The following PIWIL2 variants were observed in gnomAD, a reference collection of about 807,000 sequenced individuals.
PIWIL2 encodes piwi-like protein 2.
PIWIL2 carries 81 observed loss-of-function variants against 116.5 expected under a neutral mutation model. That is an observed-to-expected ratio of 0.70 (90% CI 0.58 to 0.84). The LOEUF (loss-of-function observed/expected upper bound fraction) is 0.84. PIWIL2 is among the 40% of genes least tolerant of loss of function. PIWIL2 has a pLI of 0.00. For synonymous variants in PIWIL2, 489 were observed against 429.5 expected (o/e 1.14, Z -1.71); for missense variants, 1,272 against 1,212.3 (o/e 1.05, Z -0.73).
At chr8:22,337,311 A>G (rs1832001907) in intron 20 of PIWIL2, among the ~76,000 whole-genome samples, 1 of 152,220 alleles carries the variant, frequency 6.6e-6, no homozygotes, top group Non-Finnish European at 1.5e-5. Flanking sequence ...AAGGTTGAAG[A>G]TACAAGATCA....
intron 10 of PIWIL2, among the ~76,000 whole-genome samples, chr8:22,302,299 A>C (rs1164376836): frequency 6.6e-6 from 1 of 151,868 alleles, no homozygotes; most frequent in East Asian, 1.9e-4. Context: ...CTCCTGTCTC[A>C]GCCTTCTGAG....
At chr8:22,307,032 C>T (rs1013085246) in intron 13 of PIWIL2, among the ~76,000 whole-genome samples, 3 of 152,210 alleles carry the variant, frequency 2.0e-5, no homozygotes, top group Admixed American at 6.5e-5. Context: ...AACACCATGA[C>T]AAGTTCTGGG....
chr8:22,314,513 G>C, intron 17 of PIWIL2, 84 bp downstream of exon 17: 1 of 603,650 alleles, frequency 1.7e-6, no homozygotes, highest in East Asian at 3.0e-5. Flanking sequence ...TGTTCACAAA[G>C]ACTAAAGTAG....
At chr8:22,315,615 T>C (rs1216553424) in intron 18 of PIWIL2, among the ~76,000 whole-genome samples, 1 of 152,192 alleles carries the variant, frequency 6.6e-6, no homozygotes, top group Non-Finnish European at 1.5e-5. Flanking sequence ...ATGCCCAACC[T>C]GGTTTTTATG....
At chr8:22,306,508 C>G (rs1433966247) in intron 13 of PIWIL2, among the ~76,000 whole-genome samples, 1 of 152,128 alleles carries the variant, frequency 6.6e-6, no homozygotes, top group Non-Finnish European at 1.5e-5. Context: ...GGGCTCAGCT[C>G]CTGTGGGCAG....
intron 10 of PIWIL2, among the ~76,000 whole-genome samples, chr8:22,300,828 C>G (rs545668077): frequency 1.3e-5 from 2 of 152,018 alleles, no homozygotes; most frequent in African/African-American, 2.4e-5. Flanking sequence ...TATCTTTTGC[C>G]TATTTTAAAT....
chr8:22,303,773 A>G (rs1221016390), intron 10 of PIWIL2, among the ~76,000 whole-genome samples: 1 of 151,894 alleles, frequency 6.6e-6, no homozygotes, highest in African/African-American at 2.4e-5. Context: ...GAAATAAGGT[A>G]TCACTATGTT....
At chr8:22,342,815 AAAC>A (rs1460450206) in intron 20 of PIWIL2, among the ~76,000 whole-genome samples, 14 of 152,362 alleles carry the variant, frequency 9.2e-5, no homozygotes, top group African/African-American at 3.4e-4. Context: ...TAAGAGGATG[AAAC>A]AACAAGCCAT....
chr8:22,295,951 C>T (rs1315633150), intron 10 of PIWIL2, among the ~76,000 whole-genome samples: 5 of 150,204 alleles, frequency 3.3e-5, no homozygotes, highest in Admixed American at 6.6e-5. Flanking sequence ...AGAATCTGAT[C>T]GGCTTCAGTT....
intron 10 of PIWIL2, among the ~76,000 whole-genome samples, chr8:22,298,604 A>G (rs990925385): frequency 6.6e-6 from 1 of 152,204 alleles, no homozygotes; most frequent in Non-Finnish European, 1.5e-5. Context: ...TGGTCTGAGA[A>G]TCTGTGGAAT....
chr8:22,324,349 A>T (rs750450616), intron 20 of PIWIL2, among the ~76,000 whole-genome samples: 1 of 151,610 alleles, frequency 6.6e-6, no homozygotes, highest in Non-Finnish European at 1.5e-5. Context: ...CTCTCCATTT[A>T]TACCCCCACC....
intron 1 of PIWIL2, among the ~76,000 whole-genome samples, chr8:22,277,125 A>G (rs1830395551): frequency 6.6e-6 from 1 of 151,850 alleles, no homozygotes. Flanking sequence ...GGGTTCAAGC[A>G]ATTCTTGTGC....
chr8:22,327,370 T>G (rs935717081), intron 20 of PIWIL2, among the ~76,000 whole-genome samples: 5 of 119,668 alleles, frequency 4.2e-5, no homozygotes, highest in African/African-American at 1.0e-4. Context: ...TTTTGTTTCG[T>G]TTTTTTTTTT....
chr8:22,315,360 A>G (rs928245008), intron 18 of PIWIL2, among the ~76,000 whole-genome samples: 3 of 152,130 alleles, frequency 2.0e-5, no homozygotes, highest in Non-Finnish European at 2.9e-5. Flanking sequence ...CTTGTCGCCC[A>G]GGTTGGAGTG....
intron 20 of PIWIL2, among the ~76,000 whole-genome samples, chr8:22,331,250 T>G (rs1023266193): frequency 2.0e-5 from 3 of 152,044 alleles, no homozygotes; most frequent in Non-Finnish European, 2.9e-5. Flanking sequence ...CATTTAAAAG[T>G]AACTTTTAGC....
intron 20 of PIWIL2, among the ~76,000 whole-genome samples, chr8:22,336,549 C>T (rs1376035920): frequency 6.6e-6 from 1 of 151,980 alleles, no homozygotes; most frequent in Non-Finnish European, 1.5e-5. Context: ...AAACCAGCTT[C>T]CACCTTAAGG....
chr8:22,310,423 A>G (rs990558970), intron 15 of PIWIL2, among the ~76,000 whole-genome samples: 17 of 152,276 alleles, frequency 1.1e-4, no homozygotes, highest in African/African-American at 3.6e-4. Flanking sequence ...TTAAAACAGT[A>G]CCTCACCTAG....
chr8:22,315,754 C>A (rs543281031), intron 18 of PIWIL2, among the ~76,000 whole-genome samples: 1 of 152,296 alleles, frequency 6.6e-6, no homozygotes, highest in African/African-American at 2.4e-5. Context: ...TTCATACTGT[C>A]CATGACTGCT....
intron 20 of PIWIL2, among the ~76,000 whole-genome samples, chr8:22,323,709 T>C (rs1440160457): frequency 6.6e-6 from 1 of 152,208 alleles, no homozygotes; most frequent in Non-Finnish European, 1.5e-5. Flanking sequence ...ACCTGAAATG[T>C]AAGAGTCAAA....
Sources: gnomAD v4.1 joint callset for allele counts (sites outside exome capture counted in the v4.1 genomes callset) on GRCh38, gnomAD v4.1.1 for gene constraint, MANE v1.5 for transcripts, NCBI Gene and HGNC (gene_info 2026-07-23, HGNC 2026-07-21) for gene names.